The following NIBAN2 variants were observed in gnomAD, a reference collection of about 807,000 sequenced individuals.
NIBAN2 encodes the protein protein Niban 2.
In NIBAN2, 36 loss-of-function variants were observed where a neutral mutation model predicts 81.8. The ratio of observed to expected loss-of-function variants is 0.44; its 90% CI spans 0.34 to 0.58. NIBAN2 has a LOEUF of 0.58. Ranked by LOEUF, NIBAN2 falls within the 20% of genes least tolerant of loss-of-function variation. The pLI is 0.02. For synonymous variants in NIBAN2, 445 were observed against 441.6 expected (o/e 1.01, Z -0.10); for missense variants, 897 against 1,014.1 (o/e 0.88, Z 1.57).
At chr9:127,578,205 A>T (rs1169939025) in intron 1 of NIBAN2, among the ~76,000 whole-genome samples, 2 of 151,244 alleles carry the variant, frequency 1.3e-5, no homozygotes, top group African/African-American at 4.9e-5. Context: ...AAAAAAAAAA[A>T]AATTTAGCTG....
At chr9:127,566,572 G>A (rs1290453321) in intron 1 of NIBAN2, among the ~76,000 whole-genome samples, 1 of 152,188 alleles carries the variant, frequency 6.6e-6, no homozygotes, top group Non-Finnish European at 1.5e-5. Context: ...GCATTCACCT[G>A]CTCACCTGCT....
chr9:127,573,083 A>G (rs770362435), upstream of NIBAN2, among the ~76,000 whole-genome samples: 2 of 152,186 alleles, frequency 1.3e-5, no homozygotes, highest in Non-Finnish European at 2.9e-5. Flanking sequence ...TATATATTCC[A>G]TTGTATGTAT....
upstream of NIBAN2, among the ~76,000 whole-genome samples, chr9:127,572,155 C>A (rs1008936493): frequency 6.6e-6 from 1 of 152,112 alleles, no homozygotes; most frequent in South Asian, 2.1e-4. Context: ...CCAATCTCAC[C>A]CTTGGGTTAC....
intron 1 of NIBAN2, among the ~76,000 whole-genome samples, chr9:127,576,493 C>T (rs777729486): frequency 3.9e-5 from 6 of 152,066 alleles, no homozygotes; most frequent in Admixed American, 1.3e-4. Flanking sequence ...TGGAAGCGCC[C>T]GTTCATTGCA....
chr9:127,511,181 A>AT (rs1429922877), intron 8 of NIBAN2, among the ~76,000 whole-genome samples: 1 of 151,778 alleles, frequency 6.6e-6, no homozygotes, highest in Non-Finnish European at 1.5e-5. Context: ...AGTAGCTGGG[A>AT]TTACAGGTGT....
At chr9:127,569,108 G>A, upstream of NIBAN2, 2 of 991,240 alleles carry the variant, frequency 2.0e-6, no homozygotes, top group Non-Finnish European at 1.2e-6. Context: ...GCACCCCGGC[G>A]CCCCGCTCCG....
At chr9:127,519,661 C>G (rs1385389457) in intron 5 of NIBAN2, among the ~76,000 whole-genome samples, 1 of 152,240 alleles carries the variant, frequency 6.6e-6, no homozygotes, top group Admixed American at 6.5e-5. Flanking sequence ...CCCTACAGCG[C>G]AGCTGCCTGG....
chr9:127,517,530 T>C lies in NIBAN2; in HGVS notation c.705+296A>G, dbSNP rs1288770417. Among the ~76,000 whole-genome samples, 2 of 152,182 alleles carry C rather than the reference T, an allele frequency of 1.3e-5. No homozygotes were observed. The highest frequency in any genetic ancestry group is 2.9e-5 in the Non-Finnish European group (2 of 68,024). On this transcript the variant is annotated intron_variant, in intron 6 of 13. Transcript: ENST00000373312. The surrounding 1 kb of genome is among the most constrained non-coding windows in gnomAD (Gnocchi z 4.0). ...TGGAAGTGTACATTTATTTGCCAAATGTCTGTTTCTCCTGCTATACGGAGA... is the reference window on the plus strand; with the variant it reads ...TGGAAGTGTACATTTATTTGCCAAACGTCTGTTTCTCCTGCTATACGGAGA...
At chr9:127,533,512 A>G (rs557599456) in intron 1 of NIBAN2, among the ~76,000 whole-genome samples, 1 of 152,102 alleles carries the variant, frequency 6.6e-6, no homozygotes, top group South Asian at 2.1e-4. Context: ...GTGTGCCTGT[A>G]TTCCCAGCTA....
At position 127,507,043 on chromosome 9, in the gene NIBAN2, ACT is replaced by A. The variant is rs1396253407; in HGVS notation, c.2041_2042del (p.Gln683AlafsTer2). Reference protein sequence around the residue: ...PLLNGAPAGESPQPKAAPEAS... With the variant: ...PLLNGAPAGEXPQPKAAPEAS... The stretch of plus-strand genomic sequence containing the variant: ...CCTCGGGGGCGGCCTTAGGCTGGGG[ACT>A]CTCCCCAGCGGGGGCCCCGTTGAGC... On this transcript the variant is annotated frameshift_variant, in exon 14 of 14. Coordinates refer to ENST00000373312, the MANE Select transcript of NIBAN2 (RefSeq NM_022833.4). LOFTEE classifies it high-confidence loss of function. The surrounding 1 kb of genome is among the most constrained non-coding windows in gnomAD (Gnocchi z 6.8). 2 of 1,578,154 alleles carry A rather than the reference ACT, an allele frequency of 1.3e-6. No individual in the cohort carries two copies. Among genetic ancestry groups the A allele is most frequent in the Non-Finnish European group, 1.7e-6 (2 of 1,161,934 alleles).
At chr9:127,519,551 C>T (rs1366235099) in intron 5 of NIBAN2, among the ~76,000 whole-genome samples, 1 of 152,252 alleles carries the variant, frequency 6.6e-6, no homozygotes, top group African/African-American at 2.4e-5. Context: ...GAGAAAAAGC[C>T]CCTCTCTGGG....
intron 1 of NIBAN2, among the ~76,000 whole-genome samples, chr9:127,576,849 C>A (rs1052135463): frequency 6.6e-6 from 1 of 151,632 alleles, no homozygotes; most frequent in African/African-American, 2.4e-5. Context: ...AGTGCCACAA[C>A]GTCCGGCTAA....
intron 4 of NIBAN2, 31 bp downstream of exon 4, chr9:127,525,027 G>A (rs764068787): frequency 2.6e-6 from 4 of 1,534,592 alleles, no homozygotes; most frequent in South Asian, 1.1e-5. Flanking sequence ...CCTGTGCAGG[G>A]CATTGTGGCC....
chr9:127,575,893 G>A (rs1377531583), intron 1 of NIBAN2, among the ~76,000 whole-genome samples: 3 of 152,014 alleles, frequency 2.0e-5, no homozygotes, highest in African/African-American at 7.2e-5. Flanking sequence ...TTCAACCTCA[G>A]CTAATTACCC....
intron 2 of NIBAN2, among the ~76,000 whole-genome samples, chr9:127,530,038 A>G (rs1837148693): frequency 6.6e-6 from 1 of 152,218 alleles, no homozygotes; most frequent in Non-Finnish European, 1.5e-5. Flanking sequence ...CTTGGATTAT[A>G]GGGACTTGGG....
At chr9:127,511,805 G>T (rs1836740425) in intron 8 of NIBAN2, among the ~76,000 whole-genome samples, 1 of 152,134 alleles carries the variant, frequency 6.6e-6, no homozygotes, top group African/African-American at 2.4e-5. Context: ...TGGCAAACAG[G>T]CATATGAAAG....
chr9:127,549,394 C>T (rs908448215), intron 1 of NIBAN2, among the ~76,000 whole-genome samples: 5 of 151,594 alleles, frequency 3.3e-5, no homozygotes, highest in African/African-American at 9.7e-5. Context: ...CATGCACGCA[C>T]ACACACTCAC....
chr9:127,540,855 C>T (rs576395337), intron 1 of NIBAN2, among the ~76,000 whole-genome samples: 3 of 152,226 alleles, frequency 2.0e-5, no homozygotes, highest in Non-Finnish European at 4.4e-5. Flanking sequence ...CCAGTGGGCT[C>T]CAGGGACACA....
In NIBAN2 at chr9:127,505,775, G is replaced by A. The variant is rs1342100262; in HGVS notation, c.*1070C>T. ...AGGAGGGACGACAGCCAGGCCCAGA[G>A]TGACTCACAAGGACATCCAAAGAAG... On this transcript the variant is annotated 3_prime_UTR_variant, in exon 14 of 14. Coordinates refer to ENST00000373312, the MANE Select transcript of NIBAN2 (RefSeq NM_022833.4). 2 of 152,510 alleles carry A rather than the reference G, an allele frequency of 1.3e-5. No homozygotes were observed. Among genetic ancestry groups the A allele is most frequent in the Admixed American group, 6.5e-5 (1 of 15,290 alleles). 9.4% of individuals were successfully genotyped at this position (152,510 alleles called of 1,614,324 possible). A position where few individuals can be genotyped will look rare whatever the true frequency, so the allele number is the denominator to read the frequency against.
Sources: allele counts gnomAD v4.1 joint callset (sites outside exome capture counted in the v4.1 genomes callset), GRCh38; gene constraint gnomAD v4.1.1; non-coding constraint Gnocchi (gnomAD v3.1); transcripts MANE v1.5; gene names NCBI Gene and HGNC (gene_info 2026-07-23, HGNC 2026-07-21).